The following GABRG3 variants were observed in gnomAD, a reference collection of about 807,000 sequenced individuals.
GABRG3 encodes the protein gamma-aminobutyric acid receptor subunit gamma-3.
Under a neutral mutation model 48.8 loss-of-function variants are expected in GABRG3, and 25 were observed. The observed-to-expected ratio is 0.51, with a 90% CI of 0.37 to 0.72. GABRG3 has a LOEUF of 0.72. GABRG3 is among the 30% of genes least tolerant of loss of function. GABRG3 has a pLI of 0.00. For missense variants in GABRG3, 394 were observed against 577.9 expected (o/e 0.68, Z 3.26); for synonymous variants, 227 against 217.6 (o/e 1.04, Z -0.38).
intron 5 of GABRG3, among the ~76,000 whole-genome samples, chr15:27,336,282 CAGAG>C (rs1044000328): frequency 5.8e-4 from 80 of 138,234 alleles, no homozygotes; most frequent in Middle Eastern, 3.5e-3. Flanking sequence ...GAAGGAGAGA[CAGAG>C]AGAGAAAAGA....
intron 3 of GABRG3, among the ~76,000 whole-genome samples, chr15:27,031,093 A>AC (rs1896079555): frequency 1.6e-5 from 2 of 125,660 alleles, no homozygotes; most frequent in African/African-American, 3.1e-5. Flanking sequence ...CACACATACA[A>AC]CACATAACAC....
chr15:27,288,320 G>A (rs1410406273), intron 3 of GABRG3, among the ~76,000 whole-genome samples: 1 of 151,898 alleles, frequency 6.6e-6, no homozygotes, highest in African/African-American at 2.4e-5. Context: ...TTCTATTATT[G>A]TTATATTGTA....
At chr15:27,285,288 TG>T (rs1176708724) in intron 3 of GABRG3, among the ~76,000 whole-genome samples, 4 of 141,262 alleles carry the variant, frequency 2.8e-5, no homozygotes, top group Non-Finnish European at 5.9e-5. Flanking sequence ...TGTGTGTGTG[TG>T]TGTGTGTGTG....
chr15:27,328,725 C>A, intron 4 of GABRG3, 81 bp from the exon 5 acceptor site: 3 of 1,167,764 alleles, frequency 2.6e-6, no homozygotes, highest in Non-Finnish European at 2.5e-6. Flanking sequence ...CCCTCTCCAT[C>A]CCCACATGGG....
intron 3 of GABRG3, among the ~76,000 whole-genome samples, chr15:27,169,533 C>A (rs1053914503): frequency 2.0e-5 from 3 of 152,052 alleles, no homozygotes; most frequent in Non-Finnish European, 4.4e-5. Context: ...TGAGGGGAGG[C>A]CGTGGTGATG....
At chr15:27,213,744 G>A (rs1324579663) in intron 3 of GABRG3, among the ~76,000 whole-genome samples, 3 of 152,190 alleles carry the variant, frequency 2.0e-5, no homozygotes, top group African/African-American at 4.8e-5. Flanking sequence ...AAGCTCAGAC[G>A]GTGAGCACCT....
chr15:27,095,283 T>C (rs1279927695), intron 3 of GABRG3, among the ~76,000 whole-genome samples: 2 of 152,204 alleles, frequency 1.3e-5, no homozygotes, highest in Non-Finnish European at 1.5e-5. Context: ...TTGGCAAAAG[T>C]GCATGGATTA....
At chr15:27,029,515 A>T (rs764626184) in intron 3 of GABRG3, among the ~76,000 whole-genome samples, 1 of 151,892 alleles carries the variant, frequency 6.6e-6, no homozygotes, top group Admixed American at 6.6e-5. Context: ...GTGTGCACAC[A>T]TGCATCACAC....
intron 3 of GABRG3, among the ~76,000 whole-genome samples, chr15:27,044,726 A>G (rs1046236517): frequency 6.6e-6 from 1 of 152,236 alleles, no homozygotes; most frequent in African/African-American, 2.4e-5. Context: ...TAGTCAAACA[A>G]TGTTAATGGA....
chr15:27,279,482 G>T (rs756268858), intron 3 of GABRG3, among the ~76,000 whole-genome samples: 1 of 152,036 alleles, frequency 6.6e-6, no homozygotes, highest in Non-Finnish European at 1.5e-5. Flanking sequence ...TTTCCCTATG[G>T]ATATCCAAGT....
At chr15:27,212,930 T>A (rs1889121390) in intron 3 of GABRG3, among the ~76,000 whole-genome samples, 1 of 152,276 alleles carries the variant, frequency 6.6e-6, no homozygotes, top group Non-Finnish European at 1.5e-5. Context: ...TTTTGAAGGC[T>A]GAATAATATT....
chr15:27,347,150 A>ATCCTTGTGTTTTTC (rs1894403012), intron 5 of GABRG3, among the ~76,000 whole-genome samples: 1 of 152,106 alleles, frequency 6.6e-6, no homozygotes, highest in African/African-American at 2.4e-5. Flanking sequence ...TTTTTCTAGC[A>ATCCTTGTGTTTTTC]TCCTTGTGTT....
chr15:27,055,646 A>G (rs902047356), intron 3 of GABRG3, among the ~76,000 whole-genome samples: 5 of 152,214 alleles, frequency 3.3e-5, no homozygotes, highest in African/African-American at 1.2e-4. Context: ...TGAAACATAA[A>G]TGAATTCCTG....
chr15:27,153,222 A>G (rs1898354975), intron 3 of GABRG3, among the ~76,000 whole-genome samples: 1 of 152,172 alleles, frequency 6.6e-6, no homozygotes, highest in South Asian at 2.1e-4. Flanking sequence ...GCTTATGAAT[A>G]TCTCATTATT....
chr15:27,016,342 T>C (rs1895779556), intron 2 of GABRG3, among the ~76,000 whole-genome samples: 1 of 152,026 alleles, frequency 6.6e-6, no homozygotes, highest in African/African-American at 2.4e-5. Flanking sequence ...CTTACATTCT[T>C]ATTCATTTTT....
chr15:27,435,783 A>G (rs186596488), intron 5 of GABRG3, among the ~76,000 whole-genome samples: 4 of 152,308 alleles, frequency 2.6e-5, no homozygotes, highest in Admixed American at 6.5e-5. Flanking sequence ...CCTCTAAGCT[A>G]TGTCCATTAG....
intron 2 of GABRG3, among the ~76,000 whole-genome samples, chr15:26,983,858 A>G (rs559311615): frequency 2.6e-5 from 4 of 152,208 alleles, no homozygotes; most frequent in Admixed American, 1.3e-4. Context: ...CTTCTCCACT[A>G]CCATTTGCTG....
chr15:27,111,686 C>T (rs1258028873), intron 3 of GABRG3, among the ~76,000 whole-genome samples: 1 of 152,068 alleles, frequency 6.6e-6, no homozygotes, highest in East Asian at 1.9e-4. Flanking sequence ...CAGCTGTAAC[C>T]CGCTGCTATA....
chr15:27,325,358 G>A (rs573126113), intron 3 of GABRG3, among the ~76,000 whole-genome samples: 1 of 152,262 alleles, frequency 6.6e-6, no homozygotes, highest in South Asian at 2.1e-4. Context: ...CCATCTGGTT[G>A]CTGAGATGCT....
Sources: allele counts gnomAD v4.1 joint callset (sites outside exome capture counted in the v4.1 genomes callset), GRCh38; gene constraint gnomAD v4.1.1; transcripts MANE v1.5; gene names NCBI Gene and HGNC (gene_info 2026-07-23, HGNC 2026-07-21).